SDK1: variants seen among roughly 807,000 people sequenced by gnomAD.
SDK1 encodes sidekick cell adhesion molecule 1.
Under a neutral mutation model 245.5 loss-of-function variants are expected in SDK1, and 157 were observed. The observed-to-expected ratio is 0.64, with a 90% CI of 0.56 to 0.73. The LOEUF (loss-of-function observed/expected upper bound fraction) is 0.73, where lower values mean the gene tolerates loss of function less well. Among genes scored for constraint, SDK1 ranks in the 30% least tolerant of loss-of-function variants. The pLI is 0.00. For synonymous variants in SDK1, 1,647 were observed against 1,278.5 expected, an observed-to-expected ratio of 1.29 and a Z score of -6.15; for missense variants, 3,583 against 3,002.3, an observed-to-expected ratio of 1.19 and a Z score of -4.52.
intron 1 of SDK1, among the ~76,000 whole-genome samples, chr7:3,586,065 C>T (rs1176778022): frequency 6.6e-6 from 1 of 152,002 alleles, no homozygotes; most frequent in South Asian, 2.1e-4. Flanking sequence ...AGAGGAATTG[C>T]CTTTGATGGT....
chr7:3,495,252 CTTTTTT>C (rs71029675), intron 1 of SDK1, among the ~76,000 whole-genome samples: 4 of 99,772 alleles, frequency 4.0e-5, no homozygotes, highest in East Asian at 5.7e-4. Context: ...CATAATGGTT[CTTTTTT>C]TTTTTTTTTT....
chr7:4,015,327 T>G (rs1054708485), intron 16 of SDK1, among the ~76,000 whole-genome samples: 1 of 152,196 alleles, frequency 6.6e-6, no homozygotes, highest in Admixed American at 6.5e-5. Context: ...TGAGGAATCC[T>G]TCTTAAACGG....
At chr7:4,066,874 A>G (rs1406489860) in intron 19 of SDK1, among the ~76,000 whole-genome samples, 1 of 152,108 alleles carries the variant, frequency 6.6e-6, no homozygotes, top group Admixed American at 6.5e-5. Context: ...CCCTTCCTCA[A>G]GCAGTTTGCT....
chr7:4,200,399 A>G (rs1220598090), intron 35 of SDK1, among the ~76,000 whole-genome samples: 1 of 152,254 alleles, frequency 6.6e-6, no homozygotes, highest in Non-Finnish European at 1.5e-5. Context: ...CCAGTATAGC[A>G]ACCTAAAACA....
intron 1 of SDK1, among the ~76,000 whole-genome samples, chr7:3,570,315 G>C (rs959927144): frequency 1.3e-5 from 2 of 152,050 alleles, no homozygotes; most frequent in African/African-American, 4.8e-5. Flanking sequence ...GATCCCTCAC[G>C]TGCACAGTTC....
chr7:3,469,472 A>T (rs1015488664), intron 1 of SDK1, among the ~76,000 whole-genome samples: 3 of 152,164 alleles, frequency 2.0e-5, no homozygotes, highest in African/African-American at 7.2e-5. Context: ...TAAGACCTGC[A>T]GTAAATAGCA....
At chr7:3,405,189 A>C (rs896233418) in intron 1 of SDK1, among the ~76,000 whole-genome samples, 3 of 151,990 alleles carry the variant, frequency 2.0e-5, no homozygotes, top group African/African-American at 7.3e-5. Context: ...AAAACAAAAA[A>C]CACTTTCCTT....
chr7:3,555,351 A>C lies in SDK1; in HGVS notation c.299-63729A>C, dbSNP rs554533586. ...TGGGGAAAGGACACTCTTTTCAGTA[A>C]ATGTTGCTGGGAAAACTGGATATCC... is the stretch of plus-strand genomic sequence containing the variant. On this transcript the variant is annotated intron_variant, in intron 1 of 44. Coordinates refer to ENST00000404826, the MANE Select transcript of SDK1 (RefSeq NM_152744.4). Among the ~76,000 whole-genome samples the C allele has an allele frequency of 1.2e-3, 185 of 152,334 alleles. 3 individuals are homozygous for C. The highest frequency in any genetic ancestry group is 4.3e-3 in the African/African-American group (179 of 41,590).
chr7:4,054,856 T>A (rs1417453446), intron 19 of SDK1, among the ~76,000 whole-genome samples: 1 of 152,224 alleles, frequency 6.6e-6, no homozygotes, highest in Non-Finnish European at 1.5e-5. Context: ...TCATTTGACA[T>A]GATCATCTGG....
chr7:3,474,089 G>GTTTT (rs1781267781), intron 1 of SDK1, among the ~76,000 whole-genome samples: 1 of 97,094 alleles, frequency 1.0e-5, no homozygotes, highest in African/African-American at 4.8e-5. Context: ...CTACCAGATG[G>GTTTT]TGTTTTTTTT....
At chr7:3,915,248 G>C (rs138555023) in intron 5 of SDK1, among the ~76,000 whole-genome samples, 3 of 152,212 alleles carry the variant, frequency 2.0e-5, no homozygotes, top group African/African-American at 7.2e-5. Flanking sequence ...TAGAAAGCCA[G>C]TGGCTAAAGG....
chr7:4,143,276 A>G (rs1350545943), intron 28 of SDK1, among the ~76,000 whole-genome samples: 12 of 152,176 alleles, frequency 7.9e-5, no homozygotes, highest in Non-Finnish European at 1.5e-5. Flanking sequence ...GTGAGGAATG[A>G]TAACTCTGTG....
At chr7:3,613,007 A>C (rs1336393763) in intron 1 of SDK1, among the ~76,000 whole-genome samples, 2 of 152,152 alleles carry the variant, frequency 1.3e-5, no homozygotes, top group Non-Finnish European at 2.9e-5. Flanking sequence ...AGAAAAGGGC[A>C]AATTATCAAA....
At chr7:3,409,304 T>C (rs1303846593) in intron 1 of SDK1, among the ~76,000 whole-genome samples, 1 of 145,924 alleles carries the variant, frequency 6.9e-6, no homozygotes, top group African/African-American at 2.8e-5. Flanking sequence ...ATGGTTTTTT[T>C]TTTTTTTTTG....
chr7:3,778,832 A>G (rs565881297), intron 4 of SDK1, among the ~76,000 whole-genome samples: 28 of 152,338 alleles, frequency 1.8e-4, no homozygotes, highest in African/African-American at 6.5e-4. Context: ...TGCTTCAATG[A>G]TTACAAATTA....
At chr7:3,852,408 T>C (rs559226771) in intron 5 of SDK1, among the ~76,000 whole-genome samples, 98 of 151,780 alleles carry the variant, frequency 6.5e-4, no homozygotes, top group African/African-American at 2.2e-3. Context: ...TCACGAGTCT[T>C]GCAAAAAATG....
At chr7:3,752,602 T>A (rs114144161) in intron 4 of SDK1, among the ~76,000 whole-genome samples, 2,014 of 152,114 alleles carry the variant, frequency 0.013, 52 homozygotes, top group African/African-American at 0.046. Flanking sequence ...TTTTTGAGAG[T>A]TTGATTTTAG....
intron 17 of SDK1, among the ~76,000 whole-genome samples, chr7:4,036,410 C>T (rs1462509240): frequency 6.6e-6 from 1 of 152,188 alleles, no homozygotes; most frequent in Non-Finnish European, 1.5e-5. Context: ...ATGGGCATTT[C>T]TGTAGACCTA....
chr7:3,393,389 A>G (rs1781810993), intron 1 of SDK1, among the ~76,000 whole-genome samples: 1 of 152,170 alleles, frequency 6.6e-6, no homozygotes, highest in South Asian at 2.1e-4. Context: ...CTGCACCATT[A>G]TACTACTTAA....
Sources: gnomAD v4.1 joint callset for allele counts (sites outside exome capture counted in the v4.1 genomes callset) on GRCh38, gnomAD v4.1.1 for gene constraint, MANE v1.5 for transcripts, NCBI Gene and HGNC (gene_info 2026-07-23, HGNC 2026-07-21) for gene names.